PTPRD: variants seen among roughly 807,000 people sequenced by gnomAD.
The protein encoded by PTPRD is receptor-type tyrosine-protein phosphatase delta.
Under a neutral mutation model 214.5 loss-of-function variants are expected in PTPRD, and 34 were observed. The ratio of observed to expected loss-of-function variants is 0.16; its 90% CI spans 0.12 to 0.21. PTPRD has a LOEUF of 0.21. PTPRD is among the 10% of genes least tolerant of loss of function. PTPRD has a pLI of 1.00. For missense variants in PTPRD, 2,545 were observed against 2,398.7 expected, an observed-to-expected ratio of 1.06 and a Z score of -1.27; for synonymous variants, 1,128 against 845.7, an observed-to-expected ratio of 1.33 and a Z score of -5.79.
chr9:8,806,293 T>C (rs2096679604), intron 11 of PTPRD, among the ~76,000 whole-genome samples: 1 of 151,902 alleles, frequency 6.6e-6, no homozygotes, highest in Non-Finnish European at 1.5e-5. Context: ...TGTGCACATA[T>C]TAATGTGTGC....
intron 35 of PTPRD, among the ~76,000 whole-genome samples, chr9:8,419,447 T>A (rs1362832732): frequency 6.6e-6 from 1 of 151,874 alleles, no homozygotes; most frequent in Non-Finnish European, 1.5e-5. Flanking sequence ...AACCAAACAA[T>A]ATAGCGAACA....
intron 3 of PTPRD, among the ~76,000 whole-genome samples, chr9:10,235,010 A>G (rs2099624380): frequency 6.6e-6 from 1 of 151,782 alleles, no homozygotes; most frequent in Non-Finnish European, 1.5e-5. Flanking sequence ...AAGGATATAT[A>G]TATATAAACA....
At position 9,252,846 on chromosome 9, in the gene PTPRD, C is replaced by G. The variant is rs181613854; in HGVS notation, c.-202-69483G>C. Among the ~76,000 whole-genome samples, 709 of 152,114 alleles carry G rather than the reference C, an allele frequency of 4.7e-3. 3 individuals carry two copies. The highest frequency in any genetic ancestry group is 0.016 in the African/African-American group (677 of 41,552). ...TGTCTTGTTAATCTGTCTTTTGTTA[C>G]AGATAACCAGCCAATCACACGCAAG... On this transcript the variant is annotated intron_variant, in intron 9 of 45. Coordinates refer to ENST00000381196, the MANE Select transcript of PTPRD (RefSeq NM_002839.4).
chr9:8,493,730 G>C (rs2097196404), intron 26 of PTPRD, among the ~76,000 whole-genome samples: 1 of 152,154 alleles, frequency 6.6e-6, no homozygotes, highest in Non-Finnish European at 1.5e-5. Flanking sequence ...CACATCACTA[G>C]TATGTGCTCA....
At chr9:9,542,186 G>T (rs73407040) in intron 8 of PTPRD, among the ~76,000 whole-genome samples, 1 of 151,634 alleles carries the variant, frequency 6.6e-6, no homozygotes, top group Non-Finnish European at 1.5e-5. Context: ...AAAGATTATC[G>T]CAACAAACCC....
chr9:9,233,180 G>A (rs370966054), intron 9 of PTPRD, among the ~76,000 whole-genome samples: 31 of 152,218 alleles, frequency 2.0e-4, no homozygotes, highest in Admixed American at 1.8e-3. Context: ...CAAAGCTGGC[G>A]AGGCCTCAGG....
At chr9:10,140,386 A>T (rs998664736) in intron 3 of PTPRD, among the ~76,000 whole-genome samples, 1 of 152,048 alleles carries the variant, frequency 6.6e-6, no homozygotes, top group African/African-American at 2.4e-5. Context: ...AGAAGAATCA[A>T]ATAGACGCAA....
chr9:8,435,250 G>A (rs2095294625), intron 35 of PTPRD, among the ~76,000 whole-genome samples: 1 of 152,132 alleles, frequency 6.6e-6, no homozygotes, highest in African/African-American at 2.4e-5. Flanking sequence ...AGGCCTCACT[G>A]CTCTATGTTC....
At chr9:10,446,425 T>C (rs932631097) in intron 2 of PTPRD, among the ~76,000 whole-genome samples, 109 of 143,298 alleles carry the variant, frequency 7.6e-4, no homozygotes, top group Middle Eastern at 3.5e-3. Flanking sequence ...TTCTTTTTTT[T>C]TTTTTTTTTT....
intron 7 of PTPRD, among the ~76,000 whole-genome samples, chr9:9,661,039 A>G (rs2096612979): frequency 6.6e-6 from 1 of 152,012 alleles, no homozygotes; most frequent in Admixed American, 6.6e-5. Context: ...CTAATAAACC[A>G]CCACGTAACT....
intron 2 of PTPRD, among the ~76,000 whole-genome samples, chr9:10,460,968 A>G (rs994687122): frequency 6.6e-5 from 10 of 152,168 alleles, no homozygotes; most frequent in African/African-American, 2.4e-4. Flanking sequence ...CAGACTGGGA[A>G]AAAACATATT....
chr9:10,031,308 G>A (rs928132612), intron 4 of PTPRD, among the ~76,000 whole-genome samples: 1 of 152,060 alleles, frequency 6.6e-6, no homozygotes, highest in Non-Finnish European at 1.5e-5. Flanking sequence ...GATCCTGGGT[G>A]TGTCTGTATG....
At chr9:9,242,873 T>C (rs1318860787) in intron 9 of PTPRD, among the ~76,000 whole-genome samples, 2 of 152,176 alleles carry the variant, frequency 1.3e-5, no homozygotes, top group Non-Finnish European at 2.9e-5. Context: ...CTATGTTCCA[T>C]TGCTGGTGAG....
intron 12 of PTPRD, among the ~76,000 whole-genome samples, chr9:8,727,389 G>A (rs1199879292): frequency 6.6e-6 from 1 of 152,142 alleles, no homozygotes; most frequent in East Asian, 1.9e-4. Flanking sequence ...TAAAATAGCT[G>A]GAATACTTTC....
chr9:8,828,419 T>C (rs1296631695), intron 11 of PTPRD, among the ~76,000 whole-genome samples: 1 of 152,192 alleles, frequency 6.6e-6, no homozygotes, highest in African/African-American at 2.4e-5. Context: ...AGAAGGCACC[T>C]GTCTGTGAAC....
At position 10,519,218 on chromosome 9, in the gene PTPRD, C is replaced by T. The variant is rs192675894; in HGVS notation, c.-600+93180G>A. ...AAAAAATCTAGGTCATTTTATTCAG[C>T]GGGAGAAGTTATTAGAAGAACTCCT... On this transcript the variant is annotated intron_variant, in intron 2 of 45. Coordinates refer to ENST00000381196, the MANE Select transcript of PTPRD (RefSeq NM_002839.4). Among the ~76,000 whole-genome samples, 58 of 113,974 alleles carry T rather than the reference C, an allele frequency of 5.1e-4. No individual in the cohort carries two copies. In the Admixed American group the frequency reaches 5.4e-3, roughly 11 times the overall value. 74.8% of individuals were successfully genotyped at this position (113,974 alleles called of 152,430 possible).
intron 11 of PTPRD, among the ~76,000 whole-genome samples, chr9:9,008,135 T>C (rs1052738922): frequency 3.3e-5 from 5 of 149,454 alleles, no homozygotes; most frequent in African/African-American, 9.7e-5. Flanking sequence ...TGTTTACTTA[T>C]CCTATGTTCT....
intron 11 of PTPRD, among the ~76,000 whole-genome samples, chr9:8,756,289 T>C (rs1048151481): frequency 1.3e-5 from 2 of 152,230 alleles, no homozygotes; most frequent in Admixed American, 6.5e-5. Flanking sequence ...TATTATATAA[T>C]AGATTTGCTA....
chr9:9,877,744 G>A (rs1421962372), intron 5 of PTPRD, among the ~76,000 whole-genome samples: 1 of 152,116 alleles, frequency 6.6e-6, no homozygotes, highest in African/African-American at 2.4e-5. Flanking sequence ...GGAGGACGAG[G>A]CAGGCAGATC....
Sources: gnomAD v4.1 joint callset for allele counts (sites outside exome capture counted in the v4.1 genomes callset) on GRCh38, gnomAD v4.1.1 for gene constraint, MANE v1.5 for transcripts, NCBI Gene and HGNC (gene_info 2026-07-23, HGNC 2026-07-21) for gene names.